Variants in CHMP2B observed in about 807,000 individuals in gnomAD.
CHMP2B encodes charged multivesicular body protein 2B, also known as VPS2 homolog B.
In CHMP2B, 22 loss-of-function variants were observed where a neutral mutation model predicts 29.8. That is an observed-to-expected ratio of 0.74 (90% CI 0.53 to 1.05). The LOEUF is 1.05. Among genes scored for constraint, CHMP2B ranks in the 50% least tolerant of loss-of-function variants. The pLI, the probability that CHMP2B is intolerant of heterozygous loss-of-function variation, is 0.00. For synonymous variants in CHMP2B, 78 were observed against 75.8 expected (o/e 1.03, Z -0.15); for missense variants, 261 against 252.2 (o/e 1.03, Z -0.24).
rs1291380357 is a variant in CHMP2B, at chr3:87,236,649, C to T, written c.35-4050C>T. On this transcript the variant is annotated intron_variant, in intron 1 of 5. Transcript: ENST00000263780. ...GTTGGATCACCTGAGGTCAGAAGTT[C>T]GAGATCAGCCTGGCCAACATGGTGA... Among the ~76,000 whole-genome samples, 5 of 152,090 alleles carry T rather than the reference C, an allele frequency of 3.3e-5. No individual in the cohort carries two copies. The South Asian group carries it at 8.3e-4, about 25-fold the overall frequency.
intron 1 of CHMP2B, among the ~76,000 whole-genome samples, chr3:87,235,705 C>T (rs1705994896): frequency 6.6e-6 from 1 of 152,170 alleles, no homozygotes; most frequent in Admixed American, 6.5e-5. Context: ...CTAGCCTTGA[C>T]TCTGATTCTC....
At chr3:87,244,010 GTTTTTGT>G (rs1238643715) in intron 2 of CHMP2B, among the ~76,000 whole-genome samples, 133 of 132,802 alleles carry the variant, frequency 1.0e-3, no homozygotes, top group Admixed American at 2.0e-3. Context: ...CTTTGTTTCT[GTTTTTGT>G]TTTTTGTTTT....
intron 3 of CHMP2B, among the ~76,000 whole-genome samples, chr3:87,248,405 T>C (rs1180810029): frequency 6.6e-6 from 1 of 151,610 alleles, no homozygotes; most frequent in Non-Finnish European, 1.5e-5. Flanking sequence ...TTGCCCAGGC[T>C]GGAGTGCAAT....
chr3:87,244,030 T>TTTTTTG (rs1559608505), intron 2 of CHMP2B, among the ~76,000 whole-genome samples: 34 of 144,694 alleles, frequency 2.3e-4, no homozygotes, highest in South Asian at 6.4e-4. Flanking sequence ...TTTGTTTTTT[T>TTTTTTG]TTTTTTGTTT....
Position 87,240,718 on chromosome 3 carries a change from T to C in CHMP2B, c.54T>C (p.Asn18=). ...TCCTAGATGTAATAAAGGAACAGAATCGAGAGTTACGAGGTACACAGAGGG... is the reference window on the plus strand; with the variant it reads ...TCCTAGATGTAATAAAGGAACAGAACCGAGAGTTACGAGGTACACAGAGGG... ...KTVDDVIKEQ[N]RELRGTQRAI... The change falls in exon 2 of 6, where the codon AAT becomes AAC. Residue 18 remains asparagine, a synonymous_variant. Transcript: ENST00000263780. 6.2e-7 allele frequency: 1 copy of C among 1,613,054 alleles called. No individual in the cohort carries two copies. The highest frequency in any genetic ancestry group is 1.3e-5 in the African/African-American group (1 of 75,010).
intron 1 of CHMP2B, 127 bp from the exon 2 acceptor site, chr3:87,240,572 C>T: frequency 1.4e-6 from 1 of 691,622 alleles, no homozygotes; most frequent in Non-Finnish European, 2.6e-6. Flanking sequence ...GCTGCGATTA[C>T]AGGCATGAGC....
intron 1 of CHMP2B, among the ~76,000 whole-genome samples, chr3:87,239,513 T>C (rs1706075664): frequency 6.6e-6 from 1 of 152,152 alleles, no homozygotes; most frequent in African/African-American, 2.4e-5. Context: ...GAAGAGACTG[T>C]TCTTTCTCCT....
chr3:87,254,992 G>A lies in CHMP2B; in HGVS notation c.*1170G>A, dbSNP rs1342177526. ...TTGGTATCTAATGAATGTGTAGACA[G>A]GGAGATAAAATGAAGGATTGCCAGA... On this transcript the variant is annotated 3_prime_UTR_variant, in exon 6 of 6. Transcript: ENST00000263780. 6.6e-6 allele frequency: 1 copy of A among 151,894 alleles called. No homozygotes were observed. Among genetic ancestry groups the A allele is most frequent in the Non-Finnish European group, 1.5e-5 (1 of 67,900 alleles). The allele number at this position is 151,894 out of a possible 1,614,324, so 9.4% of individuals were successfully genotyped here.
chr3:87,228,104 AG>A (rs1370986546), intron 1 of CHMP2B, among the ~76,000 whole-genome samples: 1 of 152,162 alleles, frequency 6.6e-6, no homozygotes. Context: ...AATAAACCCA[AG>A]GGAAGTGCCC....
rs371181321 is a variant in CHMP2B, at chr3:87,254,202, A to G, written c.*380A>G. On this transcript the variant is annotated 3_prime_UTR_variant, in exon 6 of 6. Coordinates refer to ENST00000263780, the MANE Select transcript of CHMP2B (RefSeq NM_014043.4). ...ACTTAAAGAGGGTTGTAAAAATATT[A>G]AAAGTATATCGTTAATTCTGTATCT... The G allele has an allele frequency of 6.0e-5, 13 of 215,396 alleles. No homozygotes were observed. Among genetic ancestry groups the G allele is most frequent in the African/African-American group, 2.8e-4 (12 of 42,504 alleles). 13.3% of individuals were successfully genotyped at this position (215,396 alleles called of 1,614,324 possible). A position where few individuals can be genotyped will look rare whatever the true frequency, so the allele number is the denominator to read the frequency against.
In CHMP2B at chr3:87,227,398, C is replaced by A; in HGVS notation, c.-125C>A. On this transcript the variant is annotated 5_prime_UTR_variant, in exon 1 of 6. Coordinates refer to ENST00000263780, the MANE Select transcript of CHMP2B (RefSeq NM_014043.4). ...GCGGGTCCTGCCTGGCGACCCCGAC[C>A]TCCTCCTGCTGTCTCTCCGCTCCGC... The A allele has an allele frequency of 9.2e-7, 1 of 1,092,272 alleles. No homozygotes were observed. The allele number at this position is 1,092,272 out of a possible 1,614,324, so 67.7% of individuals were successfully genotyped here. A position where few individuals can be genotyped will look rare whatever the true frequency, so the allele number is the denominator to read the frequency against.
chr3:87,242,990 A>C (rs912831064), intron 2 of CHMP2B, among the ~76,000 whole-genome samples: 1 of 152,138 alleles, frequency 6.6e-6, no homozygotes, highest in Non-Finnish European at 1.5e-5. Context: ...TTTGATTGGG[A>C]TTACATTGAA....
chr3:87,236,052 CCTCT>C (rs1706002432), intron 1 of CHMP2B, among the ~76,000 whole-genome samples: 1 of 152,130 alleles, frequency 6.6e-6, no homozygotes, highest in Admixed American at 6.5e-5. Flanking sequence ...GCTCCCATGC[CCTCT>C]CTGTGTGTGC....
chr3:87,247,961 A>G (rs1280883643), intron 3 of CHMP2B, among the ~76,000 whole-genome samples: 1 of 152,156 alleles, frequency 6.6e-6, no homozygotes, highest in African/African-American at 2.4e-5. Flanking sequence ...TTTGTGAAGT[A>G]CAAAAAGTAC....
At chr3:87,243,022 T>G (rs1706148345) in intron 2 of CHMP2B, among the ~76,000 whole-genome samples, 1 of 152,160 alleles carries the variant, frequency 6.6e-6, no homozygotes, top group African/African-American at 2.4e-5. Context: ...TAACATTGTG[T>G]CATAAGACAT....
rs75321057 is a variant in CHMP2B at position 87,229,027 on chromosome 3, T to A, written c.34+1471T>A. Among the ~76,000 whole-genome samples, 165 of 152,246 alleles carry A rather than the reference T, an allele frequency of 1.1e-3. 3 individuals are homozygous for A. In the East Asian group the frequency reaches 0.029, roughly 27 times the overall value. On this transcript the variant is annotated intron_variant, in intron 1 of 5. Coordinates refer to ENST00000263780, the MANE Select transcript of CHMP2B (RefSeq NM_014043.4). ...TTAGTTTTATATAGTGAGAATTTACTAAATGGAGAAAAAATGGTTTCATCT... is the reference window on the plus strand; with the variant it reads ...TTAGTTTTATATAGTGAGAATTTACAAAATGGAGAAAAAATGGTTTCATCT...
At chr3:87,250,114 AT>A in intron 4 of CHMP2B, 137 bp downstream of exon 4, 1 of 577,024 alleles carries the variant, frequency 1.7e-6, no homozygotes, top group Non-Finnish European at 3.1e-6. Flanking sequence ...TTCTATTTGT[AT>A]TTAACTGAGG....
chr3:87,244,827 C>G (rs1177649890), intron 2 of CHMP2B, among the ~76,000 whole-genome samples: 1 of 152,108 alleles, frequency 6.6e-6, no homozygotes, highest in African/African-American at 2.4e-5. Flanking sequence ...TCAGTTAGGT[C>G]AAATTGGTGA....
In CHMP2B at chr3:87,227,434, C is replaced by G; in HGVS notation, c.-89C>G. ...GTCTCTCCGCTCCGCCACCCCGAAC[C>G]CGCCAAGGTCCTGTCCTTTTCCTCC... On this transcript the variant is annotated 5_prime_UTR_variant, in exon 1 of 6. Transcript: ENST00000263780. 6.5e-7 allele frequency: 1 copy of G among 1,529,206 alleles called. No individual in the cohort carries two copies. Among genetic ancestry groups the G allele is most frequent in the Admixed American group, 1.7e-5 (1 of 59,718 alleles). 94.7% of individuals were successfully genotyped at this position (1,529,206 alleles called of 1,614,324 possible). A position where few individuals can be genotyped will look rare whatever the true frequency, so the allele number is the denominator to read the frequency against.
Sources: gnomAD v4.1 joint callset for allele counts (sites outside exome capture counted in the v4.1 genomes callset) on GRCh38, gnomAD v4.1.1 for gene constraint, MANE v1.5 for transcripts, NCBI Gene and HGNC (gene_info 2026-07-23, HGNC 2026-07-21) for gene names.